Variants in PSMD9 observed in about 807,000 individuals in gnomAD.
The protein encoded by PSMD9 is proteasome 26S subunit, non-ATPase 9, also known as 26S proteasome non-ATPase regulatory subunit 9.
In PSMD9, 26 loss-of-function variants were observed where a neutral mutation model predicts 25.9. That is an observed-to-expected ratio of 1.00 (90% CI 0.73 to 1.39). The LOEUF is 1.39. Among genes scored for constraint, PSMD9 ranks in the 40% most tolerant of loss-of-function variants. The pLI is 0.00. For synonymous variants in PSMD9, 110 were observed against 114.5 expected (o/e 0.96, Z 0.25); for missense variants, 303 against 299.3 (o/e 1.01, Z -0.09).
At position 121,888,898 on chromosome 12, in the gene PSMD9, G is replaced by T. The variant is rs776297079; in HGVS notation, c.42G>T (p.Gln14His). The change falls in exon 1 of 6, where the codon CAG becomes CAT. Residue 14 changes from glutamine (Q) to histidine (H), a missense_variant. Transcript: ENST00000541212. ...CGAGGCAGAGCGGAGGCTCCTCGCA[G>T]GCCGGCGTCGTGACTGTCAGCGACG... ...EEARQSGGSS[Q>H]AGVVTVSDVQ... 1.5e-5 allele frequency: 24 copies of T among 1,600,514 alleles called. No homozygotes were observed. Among genetic ancestry groups the T allele is most frequent in the Middle Eastern group, 3.4e-4 (2 of 5,894 alleles).
chr12:121,915,536 G>T (rs1879869791), intron 4 of PSMD9: 1 of 280,908 alleles, frequency 3.6e-6, no homozygotes, highest in Admixed American at 5.0e-5. Context: ...ACTTTTTGTA[G>T]AGTGCTGGGA....
intron 1 of PSMD9, among the ~76,000 whole-genome samples, chr12:121,889,840 C>A (rs1427918962): frequency 6.6e-6 from 1 of 152,054 alleles, no homozygotes; most frequent in African/African-American, 2.4e-5. Flanking sequence ...AATCACAGAT[C>A]AGTTTGCAGA....
In PSMD9 at chr12:121,916,341, A is replaced by G; in HGVS notation, c.*30A>G. 1 of 1,611,504 alleles carries G rather than the reference A, an allele frequency of 6.2e-7. No homozygotes were observed. The highest frequency in any genetic ancestry group is 8.5e-7 in the Non-Finnish European group (1 of 1,177,568). On this transcript the variant is annotated 3_prime_UTR_variant, in exon 6 of 6. Coordinates refer to ENST00000541212, the MANE Select transcript of PSMD9 (RefSeq NM_002813.7). ...CCCTGGGGAACAGTAACAGGAAAGC[A>G]TCTTCCCTTGCCCTGGACTTGGGTC...
chr12:121,915,372 T>G (rs117327563), intron 4 of PSMD9: 3,891 of 152,820 alleles, frequency 0.025, 71 homozygotes, highest in Non-Finnish European at 0.042. Flanking sequence ...GTTCATACTT[T>G]GGTGGGGTTT....
chr12:121,900,424 C>G (rs527453753), intron 3 of PSMD9, among the ~76,000 whole-genome samples: 182 of 152,062 alleles, frequency 1.2e-3, no homozygotes, highest in African/African-American at 4.2e-3. Flanking sequence ...GGAGCATTGG[C>G]TCACGCCTGT....
intron 1 of PSMD9, among the ~76,000 whole-genome samples, chr12:121,890,611 G>T (rs536974892): frequency 7.2e-5 from 11 of 152,002 alleles, no homozygotes; most frequent in Non-Finnish European, 1.3e-4. Context: ...GAGACTGCAG[G>T]TACGTGCCAC....
chr12:121,894,828 G>A lies in PSMD9; in HGVS notation c.228G>A (p.Arg76=). The A allele has an allele frequency of 1.2e-6, 2 of 1,613,388 alleles. No homozygotes were observed. Among genetic ancestry groups the A allele is most frequent in the Non-Finnish European group, 1.7e-6 (2 of 1,179,702 alleles). The stretch of plus-strand genomic sequence containing the variant: ...ACCTGTACCAAGTCCGCACCGCCAG[G>A]CACAACATCATATGTGAGTGGCCCT... The part of the protein sequence containing the change: ...DVDLYQVRTA[R]HNIICLQNDH... The change falls in exon 2 of 6, where the codon AGG becomes AGA. Residue 76 remains arginine (R), a synonymous_variant. Transcript: ENST00000541212.
At chr12:121,895,968 A>T (rs572066849) in intron 2 of PSMD9, among the ~76,000 whole-genome samples, 7 of 152,174 alleles carry the variant, frequency 4.6e-5, no homozygotes, top group Admixed American at 1.3e-4. Context: ...CTCCTCTTTA[A>T]TCTGTTTGAA....
chr12:121,913,074 C>T (rs1159062093), intron 4 of PSMD9, among the ~76,000 whole-genome samples: 6 of 151,586 alleles, frequency 4.0e-5, no homozygotes, highest in Non-Finnish European at 7.4e-5. Flanking sequence ...GTAGCTGGGA[C>T]TACAGGCGTC....
intron 4 of PSMD9, among the ~76,000 whole-genome samples, chr12:121,909,551 G>A (rs1367117726): frequency 6.6e-6 from 1 of 151,760 alleles, no homozygotes; most frequent in Non-Finnish European, 1.5e-5. Flanking sequence ...GAACTCCTGG[G>A]CTCAAGTGAG....
rs2137679263 is a variant in PSMD9, at chr12:121,894,678, G to A, written c.139-61G>A. 4.2e-6 allele frequency: 6 copies of A among 1,433,008 alleles called. No homozygotes were observed. In the South Asian group the frequency reaches 4.6e-5, roughly 11 times the overall value. The allele number at this position is 1,433,008 out of a possible 1,614,324, so 88.8% of individuals were successfully genotyped here. On this transcript the variant is annotated intron_variant, in intron 1 of 5. Coordinates refer to ENST00000541212, the MANE Select transcript of PSMD9 (RefSeq NM_002813.7). ...TGACTTCAGAGGAGAAGGGTCTGGG[G>A]AAAGACATCCTGGGGACATTACACC... is the stretch of plus-strand genomic sequence containing the variant.
At position 121,916,035 on chromosome 12, in the gene PSMD9, G is replaced by A. The variant is rs2135735179; in HGVS notation, c.644+91G>A. ...GGAGGGGAAGGCTGGGGAGACATTG[G>A]GGAATAATGGGAATCCCCAGTTTGC... On this transcript the variant is annotated intron_variant, in intron 5 of 5. Coordinates refer to ENST00000541212, the MANE Select transcript of PSMD9 (RefSeq NM_002813.7). 2.2e-6 allele frequency: 3 copies of A among 1,335,714 alleles called. No homozygotes were observed. In the Middle Eastern group the frequency reaches 6.9e-4, roughly 308 times the overall value. 82.7% of individuals were successfully genotyped at this position (1,335,714 alleles called of 1,614,324 possible).
Position 121,899,613 on chromosome 12 carries a change from G to A in PSMD9, c.242-21G>A, listed in dbSNP as rs563011915. ...TCCTCCACTGTCTTCCTTGGCCCCT[G>A]ATGTGTGGTTCTCATCCCAGGCCTG... is the stretch of plus-strand genomic sequence containing the variant. On this transcript the variant is annotated intron_variant, in intron 2 of 5. Transcript: ENST00000541212. 8 of 1,577,114 alleles carry A rather than the reference G, an allele frequency of 5.1e-6. No homozygotes were observed. The Admixed American group carries it at 7.4e-5, about 15-fold the overall frequency.
intron 3 of PSMD9, among the ~76,000 whole-genome samples, chr12:121,900,325 G>A (rs989688441): frequency 1.3e-5 from 2 of 152,146 alleles, no homozygotes; most frequent in African/African-American, 2.4e-5. Flanking sequence ...TCAGGAAGTC[G>A]AAGTTGCAGT....
chr12:121,910,204 G>C (rs1490215102), intron 4 of PSMD9, among the ~76,000 whole-genome samples: 2 of 146,678 alleles, frequency 1.4e-5, no homozygotes, highest in African/African-American at 5.1e-5. Context: ...TCCTGCCTCA[G>C]CCTCCCAAGT....
rs541419802 is a variant in PSMD9, at chr12:121,894,795, A to G, written c.195A>G (p.Ser65=). ...PLVDCEGYPR[S]DVDLYQVRTA... ...TGGACTGTGAGGGCTACCCCCGGTC[A>G]GACGTGGACCTGTACCAAGTCCGCA... The change falls in exon 2 of 6, where the codon TCA becomes TCG. Residue 65 remains serine, a synonymous_variant. Coordinates refer to ENST00000541212, the MANE Select transcript of PSMD9 (RefSeq NM_002813.7). The G allele has an allele frequency of 6.2e-7, 1 of 1,614,154 alleles. No individual in the cohort carries two copies. Among genetic ancestry groups the G allele is most frequent in the East Asian group, 2.2e-5 (1 of 44,876 alleles).
chr12:121,901,570 G>A lies in PSMD9; in HGVS notation c.454-1436G>A, dbSNP rs186430060. ...GGTTCTCACTATGTTGCCCAGGCTGGTCTTGAACTCCTGGCCTCAAGCGAT... is the reference window on the plus strand; with the variant it reads ...GGTTCTCACTATGTTGCCCAGGCTGATCTTGAACTCCTGGCCTCAAGCGAT... On this transcript the variant is annotated intron_variant, in intron 3 of 5. Coordinates refer to ENST00000541212, the MANE Select transcript of PSMD9 (RefSeq NM_002813.7). Among the ~76,000 whole-genome samples the A allele has an allele frequency of 2.6e-4, 40 of 151,242 alleles. 1 individual carries two copies. Among genetic ancestry groups the A allele is most frequent in the African/African-American group, 9.2e-4 (38 of 41,092 alleles).
chr12:121,900,985 TAAAA>T (rs749082407), intron 3 of PSMD9, among the ~76,000 whole-genome samples: 1 of 89,480 alleles, frequency 1.1e-5, no homozygotes, highest in Non-Finnish European at 2.2e-5. Flanking sequence ...AGACTCTGTC[TAAAA>T]AAAAAAAAAA....
intron 4 of PSMD9, among the ~76,000 whole-genome samples, chr12:121,913,857 G>C (rs1277872181): frequency 6.6e-6 from 1 of 151,742 alleles, no homozygotes. Context: ...AGTGTCATTT[G>C]ATACATAGAA....
Sources: gnomAD v4.1 joint callset for allele counts (sites outside exome capture counted in the v4.1 genomes callset) on GRCh38, gnomAD v4.1.1 for gene constraint, MANE v1.5 for transcripts, NCBI Gene and HGNC (gene_info 2026-07-23, HGNC 2026-07-21) for gene names.